The following PDE9A variants were observed in gnomAD, a reference collection of about 807,000 sequenced individuals.
The protein encoded by PDE9A is high affinity cGMP-specific 3',5'-cyclic phosphodiesterase 9A.
Under a neutral mutation model 87.4 loss-of-function variants are expected in PDE9A, and 60 were observed. The observed-to-expected ratio is 0.69, with a 90% CI of 0.56 to 0.85. The LOEUF (loss-of-function observed/expected upper bound fraction) is 0.85, where lower values mean the gene tolerates loss of function less well. PDE9A is among the 40% of genes least tolerant of loss of function. The pLI is 0.00. For missense variants in PDE9A, 665 were observed against 779.0 expected (o/e 0.85, Z 1.74); for synonymous variants, 272 against 279.4 (o/e 0.97, Z 0.27).
Position 42,660,464 on chromosome 21 carries a change from A to C in PDE9A, c.69+6581A>C, listed in dbSNP as rs2057397092. Reference sequence around the variant, plus strand: ...TCCAGGGGTCCAAATATTTTTGAGAAGAAAATGTTCTAAGAAAGTGCACAG... The same window carrying C: ...TCCAGGGGTCCAAATATTTTTGAGACGAAAATGTTCTAAGAAAGTGCACAG... On this transcript the variant is annotated intron_variant, in intron 1 of 19. Transcript: ENST00000291539. The surrounding 1 kb of genome is among the most constrained non-coding windows in gnomAD (Gnocchi z 4.7). 6.6e-6 allele frequency among the ~76,000 whole-genome samples: 1 copy of C among 152,068 alleles called. No homozygotes were observed. The highest frequency in any genetic ancestry group is 1.5e-5 in the Non-Finnish European group (1 of 68,008).
At chr21:42,726,655 T>C (rs1423315968) in intron 4 of PDE9A, among the ~76,000 whole-genome samples, 1 of 112,124 alleles carries the variant, frequency 8.9e-6, no homozygotes, top group East Asian at 2.6e-4. Context: ...GAGATGGAGA[T>C]CTCTCTTTGT....
intron 16 of PDE9A, chr21:42,768,798 A>G (rs752112987): frequency 2.1e-5 from 21 of 985,240 alleles, no homozygotes; most frequent in Non-Finnish European, 2.4e-5. Context: ...CATCCATCCA[A>G]CTCACCTCTG....
chr21:42,657,455 C>T (rs1868486821), intron 1 of PDE9A, among the ~76,000 whole-genome samples: 1 of 152,234 alleles, frequency 6.6e-6, no homozygotes, highest in Non-Finnish European at 1.5e-5. Flanking sequence ...GGAGCTGAAG[C>T]GCTTCGTCTT....
At chr21:42,772,637 C>CT (rs369837912) in intron 19 of PDE9A, 117 bp downstream of exon 19, 41,859 of 535,150 alleles carry the variant, frequency 0.078, 2 homozygotes, top group South Asian at 0.099. Flanking sequence ...ATGAATGGAA[C>CT]TTTTTTTTTT....
intron 4 of PDE9A, among the ~76,000 whole-genome samples, chr21:42,714,171 A>G (rs962727340): frequency 9.9e-5 from 15 of 151,422 alleles, no homozygotes; most frequent in African/African-American, 3.4e-4. Context: ...GGCGCCCACC[A>G]CCGTGCCTGG....
rs2059930052 is a variant in PDE9A at position 42,692,856 on chromosome 21, C to T, written c.218+4862C>T. Among the ~76,000 whole-genome samples, 1 of 152,200 alleles carries T rather than the reference C, an allele frequency of 6.6e-6. No individual in the cohort carries two copies. The highest frequency in any genetic ancestry group is 2.1e-4 in the South Asian group (1 of 4,832). The stretch of plus-strand genomic sequence containing the variant: ...TCAGAGATGTGCTTCGGGGCCCGCA[C>T]GCCTTGCTCCTCGCACTCTTCCTGC... On this transcript the variant is annotated intron_variant, in intron 3 of 19. Coordinates refer to ENST00000291539, the MANE Select transcript of PDE9A (RefSeq NM_002606.3). The surrounding 1 kb of genome is among the most constrained non-coding windows in gnomAD (Gnocchi z 4.3).
chr21:42,708,119 T>C (rs544295743), intron 4 of PDE9A, among the ~76,000 whole-genome samples: 46 of 152,302 alleles, frequency 3.0e-4, no homozygotes, highest in Non-Finnish European at 3.7e-4. Context: ...TTCAGTGCAA[T>C]TTCAGTCTAG....
At chr21:42,672,420 G>C (rs1041879991) in intron 1 of PDE9A, among the ~76,000 whole-genome samples, 1 of 152,258 alleles carries the variant, frequency 6.6e-6, no homozygotes, top group East Asian at 1.9e-4. Context: ...GTTCTAGCCC[G>C]AGTGTGGTCT....
chr21:42,770,375 T>A (rs1569281955), intron 17 of PDE9A, among the ~76,000 whole-genome samples: 1 of 152,074 alleles, frequency 6.6e-6, no homozygotes, highest in Non-Finnish European at 1.5e-5. Context: ...CACTTCCCAC[T>A]CCCAGGACCC....
chr21:42,699,179 A>C, intron 4 of PDE9A, 168 bp downstream of exon 4: 1 of 585,810 alleles, frequency 1.7e-6, no homozygotes, highest in Non-Finnish European at 3.0e-6. Context: ...TTGAATCTGC[A>C]TTTGAAGCCG....
At chr21:42,761,349 G>A (rs376536978) in intron 13 of PDE9A, among the ~76,000 whole-genome samples, 3 of 152,238 alleles carry the variant, frequency 2.0e-5, no homozygotes, top group Non-Finnish European at 4.4e-5. Flanking sequence ...GAGCAGAAGA[G>A]GGGGAGAAGA....
At chr21:42,710,244 C>T (rs537269375) in intron 4 of PDE9A, among the ~76,000 whole-genome samples, 60 of 151,990 alleles carry the variant, frequency 3.9e-4, no homozygotes, top group African/African-American at 1.4e-3. Context: ...CCCATCTCTA[C>T]AAAAAGTGCA....
At chr21:42,716,940 C>T (rs1313357845) in intron 4 of PDE9A, among the ~76,000 whole-genome samples, 3 of 150,818 alleles carry the variant, frequency 2.0e-5, no homozygotes, top group South Asian at 2.1e-4. Context: ...TTAGTAGAGA[C>T]GGGGTTTCAT....
In PDE9A at chr21:42,675,347, T is replaced by C. The variant is rs1488151106; in HGVS notation, c.70-10845T>C. 6.6e-6 allele frequency among the ~76,000 whole-genome samples: 1 copy of C among 152,238 alleles called. No individual in the cohort carries two copies. The highest frequency in any genetic ancestry group is 1.5e-5 in the Non-Finnish European group (1 of 68,040). On this transcript the variant is annotated intron_variant, in intron 1 of 19. Coordinates refer to ENST00000291539, the MANE Select transcript of PDE9A (RefSeq NM_002606.3). The surrounding 1 kb of genome is among the most constrained non-coding windows in gnomAD (Gnocchi z 4.3). The stretch of plus-strand genomic sequence containing the variant: ...CAGTGAATAATCCAGAGGAACACGC[T>C]CAGTGTGCATCTTTGCTTGCAGCAG...
At chr21:42,668,160 G>T (rs920752849) in intron 1 of PDE9A, among the ~76,000 whole-genome samples, 1 of 152,112 alleles carries the variant, frequency 6.6e-6, no homozygotes, top group Non-Finnish European at 1.5e-5. Context: ...AAGGGGCTGC[G>T]TGCTGAGAGA....
rs2055408769 is a variant in PDE9A, at chr21:42,759,235, A to ACACT, written c.897+153_897+156dup. On this transcript the variant is annotated intron_variant, in intron 11 of 19. Transcript: ENST00000291539. The surrounding 1 kb of genome is among the most constrained non-coding windows in gnomAD (Gnocchi z 7.2). Reference sequence around the variant, plus strand: ...ACATTTCCCCGGGAGTTCTGTGAGGACACTCAGCCTGTCTCTGTTCCTCCT... The same window carrying ACACT: ...ACATTTCCCCGGGAGTTCTGTGAGGACACTCACTCAGCCTGTCTCTGTTCCTCCT... 1 of 641,996 alleles carries ACACT rather than the reference A, an allele frequency of 1.6e-6. No homozygotes were observed. The highest frequency in any genetic ancestry group is 2.3e-5 in the Admixed American group (1 of 42,940). 39.8% of individuals were successfully genotyped at this position (641,996 alleles called of 1,614,324 possible).
intron 18 of PDE9A, 120 bp from the exon 19 acceptor site, chr21:42,772,319 T>C (rs2147232116): frequency 1.5e-6 from 1 of 660,510 alleles, no homozygotes; most frequent in East Asian, 2.7e-5. Context: ...TCAGAGGGGC[T>C]GGGGACCACA....
intron 4 of PDE9A, among the ~76,000 whole-genome samples, chr21:42,706,518 A>G (rs56287684): frequency 0.17 from 26,396 of 151,866 alleles, 2,670 homozygotes; most frequent in East Asian, 0.38. Context: ...GGTGGTGCAC[A>G]TCTGTAATCC....
intron 19 of PDE9A, among the ~76,000 whole-genome samples, chr21:42,774,183 C>A (rs530145671): frequency 1.3e-5 from 2 of 152,298 alleles, no homozygotes; most frequent in South Asian, 4.1e-4. Flanking sequence ...CTCTCCATGT[C>A]TAACAGATAA....
Sources: allele counts gnomAD v4.1 joint callset (sites outside exome capture counted in the v4.1 genomes callset), GRCh38; gene constraint gnomAD v4.1.1; non-coding constraint Gnocchi (gnomAD v3.1); transcripts MANE v1.5; gene names NCBI Gene and HGNC (gene_info 2026-07-23, HGNC 2026-07-21).